MAF: variants seen among roughly 807,000 people sequenced by gnomAD.
The protein encoded by MAF is MAF bZIP transcription factor.
In MAF, 10 loss-of-function variants were observed where a neutral mutation model predicts 22.0. That is an observed-to-expected ratio of 0.45 (90% CI 0.28 to 0.77). The LOEUF is 0.77. MAF is among the 30% of genes least tolerant of loss of function. The pLI, the probability that MAF is intolerant of heterozygous loss-of-function variation, is 0.12. For missense variants in MAF, 544 were observed against 548.4 expected, an observed-to-expected ratio of 0.99 and a Z score of 0.08; for synonymous variants, 337 against 255.8, an observed-to-expected ratio of 1.32 and a Z score of -3.03.
At chr16:79,392,539 G>A in the MAF span, among the ~76,000 whole-genome samples, 1 of 152,088 alleles carries the variant, frequency 6.6e-6, no homozygotes, top group African/African-American at 2.4e-5. Context: ...GTAAACAAGA[G>A]AGGAGATGAA....
the MAF span, among the ~76,000 whole-genome samples, chr16:79,416,462 A>C: frequency 2.0e-5 from 3 of 151,014 alleles, no homozygotes. Flanking sequence ...CTACATTTGC[A>C]AGAATAAAAA....
chr16:79,380,410 T>C, the MAF span, among the ~76,000 whole-genome samples: 1 of 152,220 alleles, frequency 6.6e-6, no homozygotes, highest in Non-Finnish European at 1.5e-5. Flanking sequence ...GGTCCACGAA[T>C]CATGCTAACC....
the MAF span, among the ~76,000 whole-genome samples, chr16:79,475,206 C>A: frequency 6.6e-6 from 1 of 151,994 alleles, no homozygotes; most frequent in African/African-American, 2.4e-5. Context: ...AACAATTATC[C>A]GTTGCTAACA....
chr16:79,512,635 G>A, the MAF span, among the ~76,000 whole-genome samples: 1 of 152,170 alleles, frequency 6.6e-6, no homozygotes, highest in African/African-American at 2.4e-5. Context: ...AGGTGAGGGT[G>A]TGCCGTTTAT....
the MAF span, among the ~76,000 whole-genome samples, chr16:79,331,745 T>C: frequency 6.6e-6 from 1 of 152,142 alleles, no homozygotes; most frequent in African/African-American, 2.4e-5. Context: ...TTCCCTGGCC[T>C]CCTTTCTGCC....
chr16:79,268,778 C>T, the MAF span, among the ~76,000 whole-genome samples: 1 of 152,208 alleles, frequency 6.6e-6, no homozygotes, highest in Non-Finnish European at 1.5e-5. Flanking sequence ...GAAATTCTCA[C>T]TGTGCTGCCG....
At chr16:79,446,647 T>C in the MAF span, among the ~76,000 whole-genome samples, 1 of 152,134 alleles carries the variant, frequency 6.6e-6, no homozygotes, top group Non-Finnish European at 1.5e-5. Flanking sequence ...GCGCAGTGGC[T>C]CATGTCTGCA....
At chr16:79,269,514 G>C in the MAF span, among the ~76,000 whole-genome samples, 4 of 152,180 alleles carry the variant, frequency 2.6e-5, no homozygotes, top group African/African-American at 9.6e-5. Context: ...CAACACCCCT[G>C]TCTTGTCACC....
At chr16:79,310,917 G>A in the MAF span, among the ~76,000 whole-genome samples, 1 of 152,216 alleles carries the variant, frequency 6.6e-6, no homozygotes, top group Non-Finnish European at 1.5e-5. Flanking sequence ...TGGCTGGCAG[G>A]TGCTGAGCGT....
At chr16:79,438,508 G>C in the MAF span, among the ~76,000 whole-genome samples, 1 of 152,208 alleles carries the variant, frequency 6.6e-6, no homozygotes, top group East Asian at 1.9e-4. Context: ...GTGGGAAGTG[G>C]CATTTGCTGG....
chr16:79,289,019 T>C, the MAF span, among the ~76,000 whole-genome samples: 3 of 152,362 alleles, frequency 2.0e-5, no homozygotes, highest in East Asian at 3.9e-4. Flanking sequence ...CGTAAGCCAC[T>C]GCACCCAGCC....
At chr16:79,313,400 G>C in the MAF span, among the ~76,000 whole-genome samples, 130 of 152,258 alleles carry the variant, frequency 8.5e-4, no homozygotes, top group African/African-American at 3.0e-3. Flanking sequence ...CCTCTCAACA[G>C]TAAAAGGCCA....
chr16:79,498,592 C>A, the MAF span, among the ~76,000 whole-genome samples: 1 of 152,144 alleles, frequency 6.6e-6, no homozygotes, highest in Non-Finnish European at 1.5e-5. Flanking sequence ...CAACTCACAC[C>A]AGCTCCTTGA....
At chr16:79,445,047 T>A in the MAF span, among the ~76,000 whole-genome samples, 642 of 152,174 alleles carry the variant, frequency 4.2e-3, no homozygotes, top group Admixed American at 5.4e-3. Context: ...TTATTTATTT[T>A]TTTTGAGACG....
chr16:79,444,558 A>C, the MAF span, among the ~76,000 whole-genome samples: 1 of 152,210 alleles, frequency 6.6e-6, no homozygotes, highest in Non-Finnish European at 1.5e-5. Context: ...GAATGAAATA[A>C]GACAGGATGG....
chr16:79,276,987 T>A, the MAF span, among the ~76,000 whole-genome samples: 4 of 152,150 alleles, frequency 2.6e-5, no homozygotes, highest in African/African-American at 2.4e-5. Context: ...TCATTTCTCA[T>A]GGTGTTTTCT....
the MAF span, among the ~76,000 whole-genome samples, chr16:79,276,734 G>T: frequency 1.3e-5 from 2 of 152,296 alleles, no homozygotes; most frequent in African/African-American, 2.4e-5. Context: ...AAAGGATAAA[G>T]CTTCCCTGTT....
the MAF span, among the ~76,000 whole-genome samples, chr16:79,305,289 C>T: frequency 1.3e-5 from 2 of 152,304 alleles, no homozygotes; most frequent in Non-Finnish European, 2.9e-5. Context: ...GCTCGGTTAC[C>T]GAGCATATCC....
chr16:79,319,040 CT>C, the MAF span, among the ~76,000 whole-genome samples: 1 of 151,426 alleles, frequency 6.6e-6, no homozygotes, highest in Non-Finnish European at 1.5e-5. Flanking sequence ...GGAAAATTCA[CT>C]TCTGTGATGA....
Sources: gnomAD v4.1 joint callset for allele counts (sites outside exome capture counted in the v4.1 genomes callset) on GRCh38, gnomAD v4.1.1 for gene constraint, MANE v1.5 for transcripts, NCBI Gene and HGNC (gene_info 2026-07-23, HGNC 2026-07-21) for gene names.